The following FA2H variants were observed in gnomAD, a reference collection of about 807,000 sequenced individuals.
FA2H encodes fatty acid alpha-hydroxylase.
FA2H carries 22 observed loss-of-function variants against 44.9 expected under a neutral mutation model. That is an observed-to-expected ratio of 0.49 (90% CI 0.35 to 0.70). The LOEUF is 0.70. FA2H is among the 30% of genes least tolerant of loss of function. FA2H has a pLI of 0.01. For synonymous variants in FA2H, 243 were observed against 213.2 expected (o/e 1.14, Z -1.22); for missense variants, 501 against 504.9 (o/e 0.99, Z 0.07).
intron 2 of FA2H, among the ~76,000 whole-genome samples, chr16:74,734,962 C>A (rs1962151938): frequency 6.6e-6 from 1 of 152,250 alleles, no homozygotes. Flanking sequence ...TTCCAGGCAG[C>A]CGGGGCTGCG....
Position 74,739,051 on chromosome 16 carries a change from G to C in FA2H, c.363+972C>G, listed in dbSNP as rs535415853. On this transcript the variant is annotated intron_variant, in intron 2 of 6. Transcript: ENST00000219368. ...TGTTCCCAGTGTCAGGGCCAAGGGG[G>C]CCCAGCAGACAGTCAGCTTTGTGGG... is the stretch of plus-strand genomic sequence containing the variant. 1.1e-4 allele frequency among the ~76,000 whole-genome samples: 16 copies of C among 152,330 alleles called. No homozygotes were observed. In the South Asian group the frequency reaches 3.3e-3, roughly 32 times the overall value.
intron 2 of FA2H, among the ~76,000 whole-genome samples, chr16:74,731,037 A>C (rs1201517923): frequency 3.3e-5 from 5 of 152,018 alleles, no homozygotes; most frequent in African/African-American, 9.7e-5. Flanking sequence ...TGTGCGCAGG[A>C]TCCCTGTTTT....
chr16:74,744,844 C>T (rs577291741), intron 1 of FA2H, among the ~76,000 whole-genome samples: 3 of 152,244 alleles, frequency 2.0e-5, no homozygotes, highest in Admixed American at 6.5e-5. Context: ...CCTTAGTCTC[C>T]GAGAGTTCTG....
chr16:74,725,537 T>C (rs2144614992), intron 4 of FA2H, among the ~76,000 whole-genome samples: 1 of 152,332 alleles, frequency 6.6e-6, no homozygotes, highest in African/African-American at 2.4e-5. Flanking sequence ...GGGGCGCACC[T>C]GGTATCCACA....
In FA2H at chr16:74,767,882, G is replaced by T. The variant is rs570676572; in HGVS notation, c.270+6604C>A. 1.8e-4 allele frequency among the ~76,000 whole-genome samples: 27 copies of T among 152,346 alleles called. No homozygotes were observed. The East Asian group carries it at 4.8e-3, about 27-fold the overall frequency. On this transcript the variant is annotated intron_variant, in intron 1 of 6. Coordinates refer to ENST00000219368, the MANE Select transcript of FA2H (RefSeq NM_024306.5). The stretch of plus-strand genomic sequence containing the variant: ...CATCCAGCAGCCAGGTGAAGAAAGT[G>T]TACTGGAGGGGAGGAAGGGTGATCA...
chr16:74,760,853 T>C (rs571454235), intron 1 of FA2H, among the ~76,000 whole-genome samples: 2 of 152,286 alleles, frequency 1.3e-5, no homozygotes, highest in East Asian at 3.9e-4. Flanking sequence ...TGAGTATGCA[T>C]TGAAAATACT....
intron 1 of FA2H, among the ~76,000 whole-genome samples, chr16:74,763,528 G>C (rs1360437544): frequency 6.6e-6 from 1 of 152,180 alleles, no homozygotes; most frequent in Non-Finnish European, 1.5e-5. Flanking sequence ...AAAGTGCCGG[G>C]ATTACAGGCG....
intron 1 of FA2H, among the ~76,000 whole-genome samples, chr16:74,749,501 G>T (rs1962491508): frequency 1.3e-5 from 2 of 152,204 alleles, no homozygotes; most frequent in South Asian, 4.1e-4. Context: ...CTCCAGCTCA[G>T]GTGTGTGGAG....
intron 1 of FA2H, among the ~76,000 whole-genome samples, chr16:74,768,797 C>G (rs1962853857): frequency 6.6e-6 from 1 of 152,112 alleles, no homozygotes; most frequent in Admixed American, 6.5e-5. Flanking sequence ...CCATGTGTGG[C>G]TGAATCTGTG....
intron 4 of FA2H, among the ~76,000 whole-genome samples, chr16:74,722,413 A>G (rs1227948532): frequency 1.3e-5 from 2 of 152,060 alleles, no homozygotes; most frequent in African/African-American, 4.8e-5. Context: ...GCTCATGCCT[A>G]TAGTCCCAGC....
At chr16:74,716,213 A>C in intron 6 of FA2H, 134 bp downstream of exon 6, 2 of 929,320 alleles carry the variant, frequency 2.2e-6, no homozygotes, top group Non-Finnish European at 3.3e-6. Flanking sequence ...GCACCAGGGA[A>C]GAGAGTAGAG....
intron 2 of FA2H, among the ~76,000 whole-genome samples, chr16:74,733,976 C>T (rs1165623688): frequency 2.0e-5 from 3 of 152,186 alleles, no homozygotes; most frequent in Admixed American, 2.0e-4. Context: ...AGGGAAGGCC[C>T]CCTTCTACCT....
At chr16:74,727,730 C>T (rs1961989551) in intron 2 of FA2H, among the ~76,000 whole-genome samples, 1 of 152,196 alleles carries the variant, frequency 6.6e-6, no homozygotes, top group Non-Finnish European at 1.5e-5. Context: ...ATGGCCAAAC[C>T]AAGAGCTAGA....
chr16:74,741,037 G>A (rs755334477), intron 1 of FA2H, among the ~76,000 whole-genome samples: 18 of 152,236 alleles, frequency 1.2e-4, no homozygotes, highest in Admixed American at 2.0e-4. Flanking sequence ...AGGTTAAATC[G>A]AACTCACAAA....
chr16:74,719,175 G>A lies in FA2H; in HGVS notation c.614-15C>T. The A allele has an allele frequency of 1.9e-6, 3 of 1,610,946 alleles. No homozygotes were observed. Among genetic ancestry groups the A allele is most frequent in the African/African-American group, 1.3e-5 (1 of 75,048 alleles). On this transcript the variant is annotated splice_polypyrimidine_tract_variant and intron_variant, in intron 4 of 6. Coordinates refer to ENST00000219368, the MANE Select transcript of FA2H (RefSeq NM_024306.5). ...CACCGTGTACTCTGCAGGGTGGCAG[G>A]GAGAGCGAGGTGAGGACCGGTGCAT...
intron 1 of FA2H, among the ~76,000 whole-genome samples, chr16:74,769,645 C>T (rs1962869263): frequency 6.6e-6 from 1 of 152,172 alleles, no homozygotes; most frequent in African/African-American, 2.4e-5. Flanking sequence ...CTGGGAAACA[C>T]AGTAATATAG....
intron 1 of FA2H, among the ~76,000 whole-genome samples, chr16:74,769,546 G>C (rs1962867466): frequency 6.6e-6 from 1 of 152,166 alleles, no homozygotes. Context: ...AAAGGCGAAA[G>C]ACTTATACAA....
At chr16:74,737,692 G>C (rs1962209045) in intron 2 of FA2H, among the ~76,000 whole-genome samples, 1 of 152,172 alleles carries the variant, frequency 6.6e-6, no homozygotes, top group African/African-American at 2.4e-5. Context: ...ACTGAGCTTG[G>C]AGGTAAAGCC....
intron 2 of FA2H, among the ~76,000 whole-genome samples, chr16:74,734,024 C>T (rs532592344): frequency 6.6e-6 from 1 of 152,280 alleles, no homozygotes; most frequent in African/African-American, 2.4e-5. Flanking sequence ...TTCTACCTGA[C>T]CGAAGACCCC....
Sources: gnomAD v4.1 joint callset for allele counts (sites outside exome capture counted in the v4.1 genomes callset) on GRCh38, gnomAD v4.1.1 for gene constraint, MANE v1.5 for transcripts, NCBI Gene and HGNC (gene_info 2026-07-23, HGNC 2026-07-21) for gene names.